The following NID1 variants were observed in gnomAD, a reference collection of about 807,000 sequenced individuals.
NID1 encodes nidogen 1.
A neutral mutation model predicts 130.6 loss-of-function variants in NID1; 76 were observed. The observed-to-expected ratio is 0.58, with a 90% confidence interval of 0.48 to 0.70. NID1 has a LOEUF of 0.70. Ranked by LOEUF, NID1 falls within the 30% of genes least tolerant of loss-of-function variation. The probability of loss-of-function intolerance (pLI) is 0.00; values close to 1 mark genes in which losing one functional copy is unlikely to be tolerated. For missense variants in NID1, 1,517 were observed against 1,664.8 expected, an observed-to-expected ratio of 0.91 and a Z score of 1.54; for synonymous variants, 665 against 675.1, an observed-to-expected ratio of 0.98 and a Z score of 0.23.
chr1:236,041,620 G>T (rs761061381), intron 4 of NID1, among the ~76,000 whole-genome samples: 5 of 152,116 alleles, frequency 3.3e-5, no homozygotes, highest in Admixed American at 6.6e-5. Flanking sequence ...TCTAACGGAC[G>T]TTTTCTCTTT....
At chr1:236,020,807 A>G (rs1198316807) in intron 9 of NID1, among the ~76,000 whole-genome samples, 2 of 152,226 alleles carry the variant, frequency 1.3e-5, no homozygotes. Context: ...CTGACTGGGA[A>G]TACACTCGCA....
Position 236,049,762 on chromosome 1 carries a change from G to A in NID1, c.226-773C>T, listed in dbSNP as rs531873499. 1.5e-4 allele frequency among the ~76,000 whole-genome samples: 23 copies of A among 152,182 alleles called. No homozygotes were observed. In the East Asian group the frequency reaches 2.3e-3, roughly 15 times the overall value. Reference sequence around the variant, plus strand: ...CTCTTAAGACTAGGTACTACTGGCCGGGCGTGGTGGCTCACACCTGTAATC... The same window carrying A: ...CTCTTAAGACTAGGTACTACTGGCCAGGCGTGGTGGCTCACACCTGTAATC... On this transcript the variant is annotated intron_variant, in intron 1 of 19. Coordinates refer to ENST00000264187, the MANE Select transcript of NID1 (RefSeq NM_002508.3).
intron 1 of NID1, among the ~76,000 whole-genome samples, chr1:236,061,229 G>A (rs1216836221): frequency 6.6e-6 from 1 of 152,136 alleles, no homozygotes; most frequent in Non-Finnish European, 1.5e-5. Flanking sequence ...AAACCATTAG[G>A]TGAAAGATTA....
At chr1:236,063,471 C>CA (rs34798558) in intron 1 of NID1, among the ~76,000 whole-genome samples, 6,179 of 136,736 alleles carry the variant, frequency 0.045, 220 homozygotes, top group African/African-American at 0.11. Flanking sequence ...GACTCTGTCT[C>CA]AAAAAAAAAA....
intron 14 of NID1, among the ~76,000 whole-genome samples, chr1:235,986,762 A>G (rs988782369): frequency 3.9e-5 from 6 of 152,190 alleles, no homozygotes; most frequent in Non-Finnish European, 8.8e-5. Flanking sequence ...GCGCCCAGAC[A>G]AGGCTGTGCA....
intron 1 of NID1, among the ~76,000 whole-genome samples, chr1:236,049,761 C>T (rs943606625): frequency 1.3e-5 from 2 of 152,054 alleles, no homozygotes; most frequent in East Asian, 1.9e-4. Flanking sequence ...TACTACTGGC[C>T]GGGCGTGGTG....
intron 13 of NID1, among the ~76,000 whole-genome samples, chr1:235,992,009 C>T (rs547172866): frequency 3.9e-5 from 6 of 152,298 alleles, no homozygotes; most frequent in African/African-American, 1.2e-4. Flanking sequence ...AACCCCTCGC[C>T]GGGCTCCTTG....
intron 4 of NID1, 75 bp from the exon 5 acceptor site, chr1:236,038,328 A>T: frequency 6.6e-7 from 1 of 1,507,766 alleles, no homozygotes; most frequent in Admixed American, 1.8e-5. Flanking sequence ...TCATCTAGGC[A>T]CCCTCAAGCA....
chr1:236,004,728 C>G (rs1658192790), intron 12 of NID1, among the ~76,000 whole-genome samples: 1 of 140,854 alleles, frequency 7.1e-6, no homozygotes, highest in African/African-American at 2.6e-5. Flanking sequence ...TGCCACTGCA[C>G]TCCAGCCTGG....
Position 236,045,648 on chromosome 1 carries a change from A to G in NID1, c.561T>C (p.Asp187=). ...NTFQAVLASS[D]SSSYAIFLYP... ...AAAGGAAAATGGCATAGGAGCTGGA[A>G]TCAGAGGAGGCTAGAACAGCCTGGA... Residue 187 remains aspartate, a synonymous_variant, in exon 3 of 20, where the codon GAT becomes GAC. Transcript: ENST00000264187. The G allele has an allele frequency of 6.2e-7, 1 of 1,614,172 alleles. No homozygotes were observed. The highest frequency in any genetic ancestry group is 8.5e-7 in the Non-Finnish European group (1 of 1,180,024).
chr1:235,995,682 A>T (rs1657900128), intron 12 of NID1, among the ~76,000 whole-genome samples: 1 of 152,206 alleles, frequency 6.6e-6, no homozygotes, highest in Non-Finnish European at 1.5e-5. Flanking sequence ...AATCCTTCAG[A>T]AATCAGCTTA....
intron 7 of NID1, among the ~76,000 whole-genome samples, chr1:236,027,975 A>T (rs117646639): frequency 0.031 from 4,782 of 152,258 alleles, 109 homozygotes; most frequent in Non-Finnish European, 0.047. Context: ...AAAATAAAAT[A>T]AAATTAAATT....
Position 236,042,190 on chromosome 1 carries a change from A to G in NID1, c.855T>C (p.Asp285=). The change falls in exon 4 of 20, where the codon GAT becomes GAC. Residue 285 remains aspartate (D), a synonymous_variant. Transcript: ENST00000264187. The part of the protein sequence containing the change: ...VPADVILGTE[D]GAEYDDEDED... ...CATCCTCATCATCATACTCTGCCCC[A>G]TCTTCAGTTCCGAGGATCACGTCTG... The G allele has an allele frequency of 1.2e-6, 2 of 1,613,768 alleles. No homozygotes were observed. The highest frequency in any genetic ancestry group is 1.7e-6 in the Non-Finnish European group (2 of 1,179,986).
intron 10 of NID1, 37 bp from the exon 11 acceptor site, chr1:236,013,597 A>G (rs913831419): frequency 1.2e-6 from 2 of 1,613,524 alleles, no homozygotes; most frequent in African/African-American, 1.3e-5. Flanking sequence ...TCTTAGGAAG[A>G]AAGTCCCCTG....
At chr1:236,051,879 A>G (rs759633337) in intron 1 of NID1, among the ~76,000 whole-genome samples, 1 of 152,266 alleles carries the variant, frequency 6.6e-6, no homozygotes, top group African/African-American at 2.4e-5. Context: ...ATTATTTGGA[A>G]TCTAGGCATG....
intron 1 of NID1, among the ~76,000 whole-genome samples, chr1:236,058,190 C>T (rs1475805197): frequency 6.6e-6 from 1 of 152,186 alleles, no homozygotes. Context: ...TGAAAAACAG[C>T]TATTTCCAGC....
intron 1 of NID1, among the ~76,000 whole-genome samples, chr1:236,054,371 G>A (rs12037143): frequency 2.0e-5 from 3 of 151,802 alleles, no homozygotes; most frequent in African/African-American, 4.8e-5. Flanking sequence ...CAGGAGAATC[G>A]CTTGAACCTG....
chr1:236,021,123 G>A (rs142809056), intron 9 of NID1, among the ~76,000 whole-genome samples: 50 of 152,258 alleles, frequency 3.3e-4, no homozygotes, highest in Non-Finnish European at 6.3e-4. Context: ...GGCATGGATC[G>A]GTGAAGGAGC....
intron 5 of NID1, among the ~76,000 whole-genome samples, chr1:236,032,873 T>C (rs1410414194): frequency 6.6e-6 from 1 of 152,196 alleles, no homozygotes; most frequent in Non-Finnish European, 1.5e-5. Flanking sequence ...CCTCTCTTCC[T>C]GTGACTGAAA....
Sources: allele counts gnomAD v4.1 joint callset (sites outside exome capture counted in the v4.1 genomes callset), GRCh38; gene constraint gnomAD v4.1.1; transcripts MANE v1.5; gene names NCBI Gene and HGNC (gene_info 2026-07-23, HGNC 2026-07-21).